HERC1: variants seen among roughly 807,000 people sequenced by gnomAD.
HERC1 encodes probable E3 ubiquitin-protein ligase HERC1.
A neutral mutation model predicts 554.3 loss-of-function variants in HERC1; 160 were observed. The observed-to-expected ratio is 0.29, with a 90% CI of 0.25 to 0.33. The LOEUF (loss-of-function observed/expected upper bound fraction) is 0.33. Ranked by LOEUF, HERC1 falls within the 10% of genes least tolerant of loss-of-function variation. The pLI, the probability that HERC1 is intolerant of heterozygous loss-of-function variation, is 1.00. For missense variants in HERC1, 4,919 were observed against 5,918.5 expected (o/e 0.83, Z 5.54); for synonymous variants, 2,175 against 2,131.7 (o/e 1.02, Z -0.56).
rs1317407236 is a variant in HERC1, at chr15:63,760,068, T to C, written c.1027-1699A>G. Among the ~76,000 whole-genome samples, 4 of 151,528 alleles carry C rather than the reference T, an allele frequency of 2.6e-5. No homozygotes were observed. The East Asian group carries it at 7.7e-4, about 29-fold the overall frequency. Reference sequence around the variant, plus strand: ...TGATACTGGCCAGCCAGGATTCCTTTCCAGGACAAAGCCCCTACACTGAGA... The same window carrying C: ...TGATACTGGCCAGCCAGGATTCCTTCCCAGGACAAAGCCCCTACACTGAGA... On this transcript the variant is annotated intron_variant, in intron 3 of 77. Transcript: ENST00000443617.
rs986881553 is a variant in HERC1, at chr15:63,680,213, T to C, written c.6466-53A>G. The stretch of plus-strand genomic sequence containing the variant: ...AAAAAGGAAATAGAAATTTTTTTAA[T>C]TCACAATATCTAACCACATTAGAAT... On this transcript the variant is annotated intron_variant, in intron 35 of 77. Coordinates refer to ENST00000443617, the MANE Select transcript of HERC1 (RefSeq NM_003922.4). The surrounding 1 kb of genome is among the most constrained non-coding windows in gnomAD (Gnocchi z 5.8). 3.0e-6 allele frequency: 4 copies of C among 1,346,802 alleles called. No individual in the cohort carries two copies. The highest frequency in any genetic ancestry group is 1.8e-5 in the Admixed American group (1 of 55,970). 83.4% of individuals were successfully genotyped at this position (1,346,802 alleles called of 1,614,324 possible). A position where few individuals can be genotyped will look rare whatever the true frequency, so the allele number is the denominator to read the frequency against.
chr15:63,802,494 C>A (rs1273675833), intron 1 of HERC1, among the ~76,000 whole-genome samples: 2 of 152,306 alleles, frequency 1.3e-5, no homozygotes, highest in Admixed American at 1.3e-4. Context: ...CTAGAACCAC[C>A]AGTTCACAAT....
chr15:63,662,884 T>C (rs747979862), intron 44 of HERC1, 100 bp downstream of exon 44: 12 of 840,156 alleles, frequency 1.4e-5, no homozygotes, highest in Non-Finnish European at 1.5e-5. Context: ...AAAAGACTTT[T>C]TAGAGTGTTT....
At chr15:63,716,628 A>T (rs1470055800) in intron 21 of HERC1, among the ~76,000 whole-genome samples, 155 bp from the exon 22 acceptor site, 1 of 152,218 alleles carries the variant, frequency 6.6e-6, no homozygotes, top group Non-Finnish European at 1.5e-5. Flanking sequence ...ACACTAGATA[A>T]ATCTTATAGA....
intron 25 of HERC1, among the ~76,000 whole-genome samples, chr15:63,703,239 G>C (rs530374502): frequency 1.6e-4 from 24 of 152,148 alleles, no homozygotes; most frequent in Middle Eastern, 3.4e-3. Context: ...CAAGGGCTTA[G>C]ACCAATTGTG....
At chr15:63,765,581 C>G (rs1461880342) in intron 2 of HERC1, among the ~76,000 whole-genome samples, 2 of 152,142 alleles carry the variant, frequency 1.3e-5, no homozygotes, top group African/African-American at 4.8e-5. Context: ...ATAAAACCTA[C>G]CTCTCCCACA....
At chr15:63,660,089 C>T (rs903664716) in intron 46 of HERC1, among the ~76,000 whole-genome samples, 153 bp from the exon 47 acceptor site, 1 of 152,104 alleles carries the variant, frequency 6.6e-6, no homozygotes, top group South Asian at 2.1e-4. Flanking sequence ...GAGGCCGAGG[C>T]GACTGGATCA....
Position 63,727,921 on chromosome 15 carries a change from T to C in HERC1, c.3155-83A>G. On this transcript the variant is annotated intron_variant, in intron 16 of 77. Coordinates refer to ENST00000443617, the MANE Select transcript of HERC1 (RefSeq NM_003922.4). This position sits in a 1 kb window ranked among gnomAD's most constrained non-coding sequence, Gnocchi z 4.3. ...GGAACCTAATAAATATTATTTTAGC[T>C]TGGAACTAGAGTAGACTCATTCAAC... 8.9e-7 allele frequency: 1 copy of C among 1,126,132 alleles called. No homozygotes were observed. Among genetic ancestry groups the C allele is most frequent in the East Asian group, 2.5e-5 (1 of 40,698 alleles). 69.8% of individuals were successfully genotyped at this position (1,126,132 alleles called of 1,614,324 possible). A position where few individuals can be genotyped will look rare whatever the true frequency, so the allele number is the denominator to read the frequency against.
chr15:63,664,362 A>C lies in HERC1; in HGVS notation c.8680+108T>G, dbSNP rs777330994. On this transcript the variant is annotated intron_variant, in intron 43 of 77. Coordinates refer to ENST00000443617, the MANE Select transcript of HERC1 (RefSeq NM_003922.4). ...CCAAATAGCTGTTCTGTTAATGTGG[A>C]GGGACTGAGCACTTAGTATCATTAG... is the stretch of plus-strand genomic sequence containing the variant. 5 of 916,786 alleles carry C rather than the reference A, an allele frequency of 5.5e-6. No homozygotes were observed. In the Admixed American group the frequency reaches 9.4e-5, roughly 17 times the overall value. The allele number at this position is 916,786 out of a possible 1,614,324, so 56.8% of individuals were successfully genotyped here. A position where few individuals can be genotyped will look rare whatever the true frequency, so the allele number is the denominator to read the frequency against.
intron 65 of HERC1, 110 bp downstream of exon 65, chr15:63,635,851 T>C: frequency 8.6e-7 from 1 of 1,156,326 alleles, no homozygotes; most frequent in East Asian, 2.4e-5. Flanking sequence ...TCTCTTATAA[T>C]TACTGTGTAA....
intron 2 of HERC1, among the ~76,000 whole-genome samples, chr15:63,767,001 T>C (rs528674062): frequency 6.8e-6 from 1 of 146,142 alleles, no homozygotes; most frequent in African/African-American, 2.7e-5. Flanking sequence ...TATAGGTTTT[T>C]CATTTGTTTT....
Position 63,710,328 on chromosome 15 carries a change from G to T in HERC1, c.4584+2447C>A, listed in dbSNP as rs553696578. Among the ~76,000 whole-genome samples the T allele has an allele frequency of 1.4e-4, 22 of 152,192 alleles. No homozygotes were observed. The South Asian group carries it at 4.4e-3, about 30-fold the overall frequency. ...AAAGAAGTGTCTAAGGAGCAAAACT[G>T]GAAAAAGTAGGGGGACCAGTTTGAA... On this transcript the variant is annotated intron_variant, in intron 24 of 77. Coordinates refer to ENST00000443617, the MANE Select transcript of HERC1 (RefSeq NM_003922.4).
Position 63,734,928 on chromosome 15 carries a change from G to A in HERC1, c.2521-79C>T, listed in dbSNP as rs187467138. The A allele has an allele frequency of 3.6e-4, 430 of 1,203,722 alleles. 1 individual carries two copies. In the African/African-American group the frequency reaches 6.1e-3, roughly 17 times the overall value. 74.6% of individuals were successfully genotyped at this position (1,203,722 alleles called of 1,614,324 possible). On this transcript the variant is annotated intron_variant, in intron 12 of 77. Transcript: ENST00000443617. This position sits in a 1 kb window ranked among gnomAD's most constrained non-coding sequence, Gnocchi z 4.6. ...AAAACACACTTAAAGCGAACTCACTGACTACTAGGATCATGTAAGTCTAAA... is the reference window on the plus strand; with the variant it reads ...AAAACACACTTAAAGCGAACTCACTAACTACTAGGATCATGTAAGTCTAAA...
intron 34 of HERC1, among the ~76,000 whole-genome samples, chr15:63,682,616 A>T (rs976332196): frequency 6.6e-6 from 1 of 152,126 alleles, no homozygotes. Flanking sequence ...TACAAAATAT[A>T]CAAAAACAAA....
Position 63,612,156 on chromosome 15 carries a change from C to A in HERC1, c.14400+95G>T. ...TAAGCTAAAATCATGCCACTGCACTCCAGCCTGGGCCACAGAGTGAGACCC... is the reference window on the plus strand; with the variant it reads ...TAAGCTAAAATCATGCCACTGCACTACAGCCTGGGCCACAGAGTGAGACCC... On this transcript the variant is annotated intron_variant, in intron 77 of 77. Coordinates refer to ENST00000443617, the MANE Select transcript of HERC1 (RefSeq NM_003922.4). This position sits in a 1 kb window ranked among gnomAD's most constrained non-coding sequence, Gnocchi z 5.0. 1 of 1,168,886 alleles carries A rather than the reference C, an allele frequency of 8.6e-7. No individual in the cohort carries two copies. The highest frequency in any genetic ancestry group is 1.6e-5 in the South Asian group (1 of 62,712). The allele number at this position is 1,168,886 out of a possible 1,614,324, so 72.4% of individuals were successfully genotyped here.
At chr15:63,832,304 C>T (rs150637962) in intron 1 of HERC1, among the ~76,000 whole-genome samples, 53 of 151,990 alleles carry the variant, frequency 3.5e-4, no homozygotes, top group African/African-American at 1.3e-3. Flanking sequence ...TACATATATA[C>T]GTACATTTAT....
At chr15:63,643,625 G>T in intron 57 of HERC1, 75 bp from the exon 58 acceptor site, 2 of 1,136,346 alleles carry the variant, frequency 1.8e-6, no homozygotes. Context: ...ATTCACTCTT[G>T]GAAATTTTAT....
At chr15:63,671,800 A>C (rs2070942264) in intron 39 of HERC1, among the ~76,000 whole-genome samples, 1 of 152,198 alleles carries the variant, frequency 6.6e-6, no homozygotes, top group Admixed American at 6.5e-5. Flanking sequence ...TTCTTAACTA[A>C]GGAAAGAGGG....
At chr15:63,664,298 G>A (rs148408533) in intron 43 of HERC1, among the ~76,000 whole-genome samples, 172 bp downstream of exon 43, 216 of 152,298 alleles carry the variant, frequency 1.4e-3, no homozygotes, top group African/African-American at 4.8e-3. Context: ...TGTATGCTAC[G>A]ATTTAAATAA....
Sources: gnomAD v4.1 joint callset for allele counts (sites outside exome capture counted in the v4.1 genomes callset) on GRCh38, gnomAD v4.1.1 for gene constraint, Gnocchi (gnomAD v3.1) non-coding constraint, MANE v1.5 for transcripts, NCBI Gene and HGNC (gene_info 2026-07-23, HGNC 2026-07-21) for gene names.